The following LARGE1 variants were observed in gnomAD, a reference collection of about 807,000 sequenced individuals.
LARGE1 encodes xylosyl- and glucuronyltransferase LARGE1.
In LARGE1, 43 loss-of-function variants were observed where a neutral mutation model predicts 87.6. The observed-to-expected ratio is 0.49, with a 90% CI of 0.38 to 0.63. LARGE1 has a LOEUF of 0.63. Ranked by LOEUF, LARGE1 falls within the 30% of genes least tolerant of loss-of-function variation. The pLI is 0.00. For synonymous variants in LARGE1, 434 were observed against 394.6 expected (o/e 1.10, Z -1.18); for missense variants, 802 against 1,000.2 (o/e 0.80, Z 2.67).
At chr22:33,760,716 T>C (rs2084696736) in intron 2 of LARGE1, among the ~76,000 whole-genome samples, 1 of 152,140 alleles carries the variant, frequency 6.6e-6, no homozygotes, top group African/African-American at 2.4e-5. Flanking sequence ...GGTCAAGAGA[T>C]GGAGACCATC....
chr22:33,895,501 C>A (rs1232007808), intron 1 of LARGE1, among the ~76,000 whole-genome samples: 2 of 152,194 alleles, frequency 1.3e-5, no homozygotes, highest in African/African-American at 2.4e-5. Context: ...TAAGGCTACA[C>A]AGCCAAGGTG....
At chr22:33,314,813 G>C (rs1935979451) in intron 11 of LARGE1, among the ~76,000 whole-genome samples, 1 of 152,202 alleles carries the variant, frequency 6.6e-6, no homozygotes, top group South Asian at 2.1e-4. Context: ...GGTGGGAAGG[G>C]GCACCTGGAA....
chr22:33,272,342 A>C (rs1055482001), downstream of LARGE1, among the ~76,000 whole-genome samples: 1 of 152,080 alleles, frequency 6.6e-6, no homozygotes, highest in African/African-American at 2.4e-5. Flanking sequence ...CACAGGGGAG[A>C]GAGAAAGTCA....
At position 33,211,705 on chromosome 22, in the gene LARGE1, G is replaced by A. The variant is rs35939466; in HGVS notation, c.1731-44873C>T. Among the ~76,000 whole-genome samples the A allele has an allele frequency of 7.9e-3, 1,207 of 152,220 alleles. 55 individuals are homozygous for A. In the South Asian group the frequency reaches 0.12, roughly 15 times the overall value. On this transcript the variant is annotated intron_variant, in intron 11 of 11. Coordinates refer to the LARGE1 transcript ENST00000608642. Reference sequence around the variant, plus strand: ...CGAGAATTGCTTGAACCCCAGAGACGGCGGCTGCAGTGAGCCGAGATCGCG... The same window carrying A: ...CGAGAATTGCTTGAACCCCAGAGACAGCGGCTGCAGTGAGCCGAGATCGCG...
intron 6 of LARGE1, among the ~76,000 whole-genome samples, chr22:33,470,977 T>A: frequency 6.6e-6 from 1 of 152,032 alleles, no homozygotes; most frequent in East Asian, 1.9e-4. Context: ...GTTTGTAAAA[T>A]GACTTATAAA....
downstream of LARGE1, among the ~76,000 whole-genome samples, chr22:33,269,070 T>C (rs895688770): frequency 3.3e-5 from 5 of 152,174 alleles, no homozygotes; most frequent in Admixed American, 2.6e-4. Context: ...ATTTTGGTTA[T>C]ACAAGACAAT....
intron 8 of LARGE1, among the ~76,000 whole-genome samples, chr22:33,382,621 T>C (rs2065195496): frequency 6.6e-6 from 1 of 152,276 alleles, no homozygotes; most frequent in East Asian, 1.9e-4. Flanking sequence ...TAGGGAGGTT[T>C]TACCTTTTTT....
At chr22:33,149,188 C>G in the LARGE1 span, among the ~76,000 whole-genome samples, 12 of 149,034 alleles carry the variant, frequency 8.1e-5, no homozygotes, top group East Asian at 1.6e-3. Context: ...AGGCGCCCGT[C>G]ACCATGCCCG....
At chr22:33,738,112 T>C (rs1233797996) in intron 2 of LARGE1, among the ~76,000 whole-genome samples, 1 of 152,148 alleles carries the variant, frequency 6.6e-6, no homozygotes, top group Non-Finnish European at 1.5e-5. Flanking sequence ...TTTCAGGTAA[T>C]CGAATTTGGT....
At chr22:33,843,678 A>G (rs1027942427) in intron 1 of LARGE1, among the ~76,000 whole-genome samples, 4 of 151,972 alleles carry the variant, frequency 2.6e-5, no homozygotes, top group African/African-American at 9.7e-5. Context: ...GTTACTGATG[A>G]AAACAAGTCT....
chr22:33,277,882 A>T (rs1259750519), intron 13 of LARGE1, among the ~76,000 whole-genome samples: 1 of 152,158 alleles, frequency 6.6e-6, no homozygotes, highest in Non-Finnish European at 1.5e-5. Context: ...TTTCTCAGGA[A>T]TTGACTGCAG....
the LARGE1 span, among the ~76,000 whole-genome samples, chr22:33,082,203 A>G: frequency 2.6e-5 from 4 of 152,112 alleles, no homozygotes; most frequent in African/African-American, 9.7e-5. Context: ...CACTGATTAT[A>G]ATGTCGGCCT....
At chr22:33,749,397 G>A (rs917043094) in intron 2 of LARGE1, among the ~76,000 whole-genome samples, 3 of 152,174 alleles carry the variant, frequency 2.0e-5, no homozygotes, top group Admixed American at 6.5e-5. Flanking sequence ...ACAGCTGTGA[G>A]CCACAGCGCC....
chr22:33,759,509 G>T (rs903661839), intron 2 of LARGE1, among the ~76,000 whole-genome samples: 18 of 152,100 alleles, frequency 1.2e-4, no homozygotes, highest in African/African-American at 4.1e-4. Flanking sequence ...CTGGCACAAA[G>T]AATCATTGTG....
At chr22:33,732,621 G>C (rs1374853276) in intron 2 of LARGE1, 1 of 152,314 alleles carries the variant, frequency 6.6e-6, no homozygotes, top group East Asian at 1.9e-4. Flanking sequence ...CCAGACACCA[G>C]AGTCTGTGTT....
intron 11 of LARGE1, among the ~76,000 whole-genome samples, chr22:33,257,049 T>C (rs1197283875): frequency 1.3e-5 from 2 of 151,950 alleles, no homozygotes; most frequent in African/African-American, 4.8e-5. Flanking sequence ...CTACTAAAAA[T>C]ACAAAATTAG....
chr22:33,808,042 A>G (rs778104318), intron 1 of LARGE1, among the ~76,000 whole-genome samples: 5 of 152,224 alleles, frequency 3.3e-5, no homozygotes, highest in Non-Finnish European at 7.3e-5. Flanking sequence ...TCTGGGTTGT[A>G]TGGTAAAAGT....
At chr22:33,578,631 C>T (rs1207132619) in intron 5 of LARGE1, among the ~76,000 whole-genome samples, 1 of 152,142 alleles carries the variant, frequency 6.6e-6, no homozygotes, top group East Asian at 1.9e-4. Context: ...ATGTAGACAT[C>T]AAGGAAATCA....
chr22:33,279,318 T>C (rs1256190562), intron 13 of LARGE1, among the ~76,000 whole-genome samples: 4 of 152,118 alleles, frequency 2.6e-5, no homozygotes, highest in East Asian at 1.9e-4. Flanking sequence ...CCCAAGAGCA[T>C]AGCTGCAGGG....
Sources: allele counts gnomAD v4.1 joint callset (sites outside exome capture counted in the v4.1 genomes callset), GRCh38; gene constraint gnomAD v4.1.1; transcripts MANE v1.5; gene names NCBI Gene and HGNC (gene_info 2026-07-23, HGNC 2026-07-21).